The following PDS5A variants were observed in gnomAD, a reference collection of about 807,000 sequenced individuals.
PDS5A encodes sister chromatid cohesion protein PDS5 homolog A.
A neutral mutation model predicts 167.1 loss-of-function variants in PDS5A; 42 were observed. That is an observed-to-expected ratio of 0.25 (90% CI 0.20 to 0.33). The LOEUF is 0.33. Among genes scored for constraint, PDS5A ranks in the 10% least tolerant of loss-of-function variants. The probability of loss-of-function intolerance (pLI) is 1.00; values close to 1 mark genes in which losing one functional copy is unlikely to be tolerated. For synonymous variants in PDS5A, 553 were observed against 554.6 expected, an observed-to-expected ratio of 1.00 and a Z score of 0.04; for missense variants, 1,033 against 1,605.9, an observed-to-expected ratio of 0.64 and a Z score of 6.10.
chr4:39,974,971 C>A (rs1450704947), intron 2 of PDS5A, among the ~76,000 whole-genome samples: 2 of 151,656 alleles, frequency 1.3e-5, no homozygotes, highest in East Asian at 3.9e-4. Flanking sequence ...ATTAGCTGGG[C>A]GTGGTGGCAG....
At chr4:39,910,952 G>A (rs1395755675) in intron 9 of PDS5A, among the ~76,000 whole-genome samples, 1 of 152,098 alleles carries the variant, frequency 6.6e-6, no homozygotes, top group African/African-American at 2.4e-5. Context: ...TGAAAACACA[G>A]CACAGCCCTG....
At chr4:39,915,134 G>A (rs1441568967) in intron 8 of PDS5A, among the ~76,000 whole-genome samples, 1 of 151,862 alleles carries the variant, frequency 6.6e-6, no homozygotes, top group African/African-American at 2.4e-5. Flanking sequence ...GAACTCCTGG[G>A]CTCAAGTGAT....
chr4:39,844,853 C>T (rs371519579), intron 29 of PDS5A, 52 bp from the exon 30 acceptor site: 157 of 1,500,942 alleles, frequency 1.0e-4, no homozygotes, highest in Non-Finnish European at 1.3e-4. Flanking sequence ...TATACCTTAC[C>T]ATGTATACAT....
chr4:39,942,044 T>C lies in PDS5A; in HGVS notation c.139-13880A>G, dbSNP rs189684662. Among the ~76,000 whole-genome samples, 34 of 152,314 alleles carry C rather than the reference T, an allele frequency of 2.2e-4. 1 individual carries two copies. The highest frequency in any genetic ancestry group is 3.4e-3 in the Middle Eastern group (1 of 294). On this transcript the variant is annotated intron_variant, in intron 2 of 32. Transcript: ENST00000303538. ...TGCATCATACCCAACTTGAGTCTCT[T>C]TAGATTTTAAAACCAAACACAGTGC...
At chr4:39,883,069 G>A (rs1030824714) in intron 17 of PDS5A, among the ~76,000 whole-genome samples, 3 of 152,116 alleles carry the variant, frequency 2.0e-5, no homozygotes, top group African/African-American at 7.2e-5. Context: ...ATTTTGTCAT[G>A]TCATAGGTTA....
chr4:39,952,261 G>T (rs558928927), intron 2 of PDS5A, among the ~76,000 whole-genome samples: 85 of 152,292 alleles, frequency 5.6e-4, no homozygotes, highest in African/African-American at 1.9e-3. Flanking sequence ...AACCCGGGAA[G>T]CGGAGGTTGC....
At position 39,915,410 on chromosome 4, in the gene PDS5A, A is replaced by AC. The variant is rs552611078; in HGVS notation, c.876+1637_876+1638insG. On this transcript the variant is annotated intron_variant, in intron 8 of 32. Transcript: ENST00000303538. ...GGTGTGGCTCTATCACCCAGGCTGG[A>AC]GTACAGTGGAGCAACCTCGGTTCAC... Among the ~76,000 whole-genome samples, 767 of 129,674 alleles carry AC rather than the reference A, an allele frequency of 5.9e-3. 10 individuals are homozygous for AC. Among genetic ancestry groups the AC allele is most frequent in the African/African-American group, 0.021 (709 of 33,444 alleles). 85.1% of individuals were successfully genotyped at this position (129,674 alleles called of 152,430 possible).
chr4:39,868,877 T>C (rs1719773739), intron 22 of PDS5A: 2 of 347,020 alleles, frequency 5.8e-6, no homozygotes, highest in Non-Finnish European at 1.1e-5. Context: ...GATACAATCT[T>C]ATTTTAAATC....
chr4:39,908,286 A>G (rs1723571707), intron 11 of PDS5A, 109 bp downstream of exon 11: 2 of 839,510 alleles, frequency 2.4e-6, no homozygotes, highest in Non-Finnish European at 4.0e-6. Context: ...CATTGTTATT[A>G]ATTTGATTTT....
At chr4:39,948,299 A>G (rs1415583558) in intron 2 of PDS5A, among the ~76,000 whole-genome samples, 1 of 148,972 alleles carries the variant, frequency 6.7e-6, no homozygotes, top group Non-Finnish European at 1.5e-5. Context: ...AATAGCCAAA[A>G]GGTGAATCAA....
chr4:39,877,980 T>A (rs922822054), intron 18 of PDS5A, among the ~76,000 whole-genome samples: 1 of 152,224 alleles, frequency 6.6e-6, no homozygotes, highest in African/African-American at 2.4e-5. Flanking sequence ...ATGATTACAA[T>A]ATATAATTAT....
intron 9 of PDS5A, among the ~76,000 whole-genome samples, chr4:39,911,495 C>T (rs931818015): frequency 2.0e-5 from 3 of 151,958 alleles, no homozygotes; most frequent in Admixed American, 6.6e-5. Context: ...GTCTAGTATA[C>T]GTTAAGAATT....
chr4:39,936,989 G>A (rs1726681089), intron 2 of PDS5A: 1 of 152,266 alleles, frequency 6.6e-6, no homozygotes, highest in Non-Finnish European at 1.5e-5. Flanking sequence ...TGGGGACACA[G>A]AGCTTCGTAT....
chr4:39,952,852 C>T (rs1481336682), intron 2 of PDS5A, among the ~76,000 whole-genome samples: 11 of 151,852 alleles, frequency 7.2e-5, no homozygotes, highest in Non-Finnish European at 1.5e-5. Flanking sequence ...CCTCAGCCTC[C>T]GAAGTAGCTT....
intron 32 of PDS5A, among the ~76,000 whole-genome samples, chr4:39,834,867 T>C (rs956276541): frequency 6.6e-6 from 1 of 152,184 alleles, no homozygotes; most frequent in Non-Finnish European, 1.5e-5. Flanking sequence ...CATTAAACAC[T>C]AAAGCCTATT....
intron 25 of PDS5A, 75 bp downstream of exon 25, chr4:39,862,794 G>T: frequency 2.3e-6 from 2 of 864,646 alleles, no homozygotes; most frequent in Non-Finnish European, 3.7e-6. Context: ...AGAAACACAT[G>T]ACAAGAAAAA....
chr4:39,846,668 C>T (rs967908729), intron 28 of PDS5A: 3 of 152,166 alleles, frequency 2.0e-5, no homozygotes, highest in African/African-American at 2.4e-5. Flanking sequence ...GATGCCTTTT[C>T]CTGCTTAATA....
At chr4:39,943,643 C>T (rs924200304) in intron 2 of PDS5A, among the ~76,000 whole-genome samples, 1 of 136,288 alleles carries the variant, frequency 7.3e-6, no homozygotes. Context: ...AAAAAAAATA[C>T]AAAAAATACA....
chr4:39,913,421 G>C lies in PDS5A; in HGVS notation c.992+190C>G, dbSNP rs11724667. 0.25 allele frequency among the ~76,000 whole-genome samples: 37,384 copies of C among 152,028 alleles called. 5,066 individuals carry two copies. Among genetic ancestry groups the C allele is most frequent in the East Asian group, 0.44 (2,274 of 5,170 alleles). ...CAAAGAAGTTAAAAAGAGTTACACA[G>C]ATAAAATACTAAGCTTTCTTCATAA... On this transcript the variant is annotated intron_variant, in intron 9 of 32. Coordinates refer to ENST00000303538, the MANE Select transcript of PDS5A (RefSeq NM_001100399.2).
Sources: gnomAD v4.1 joint callset for allele counts (sites outside exome capture counted in the v4.1 genomes callset) on GRCh38, gnomAD v4.1.1 for gene constraint, MANE v1.5 for transcripts, NCBI Gene and HGNC (gene_info 2026-07-23, HGNC 2026-07-21) for gene names.